The following ARFGAP3 variants were observed in gnomAD, a reference collection of about 807,000 sequenced individuals.
ARFGAP3 encodes ADP-ribosylation factor GTPase-activating protein 3.
A neutral mutation model predicts 75.0 loss-of-function variants in ARFGAP3; 72 were observed. The observed-to-expected ratio is 0.96, with a 90% CI of 0.79 to 1.17. ARFGAP3 has a LOEUF of 1.17. ARFGAP3 is among the 50% of genes most tolerant of loss of function. The pLI is 0.00. For synonymous variants in ARFGAP3, 221 were observed against 217.9 expected, an observed-to-expected ratio of 1.01 and a Z score of -0.13; for missense variants, 620 against 626.6, an observed-to-expected ratio of 0.99 and a Z score of 0.11.
intron 11 of ARFGAP3, among the ~76,000 whole-genome samples, chr22:42,814,646 G>A (rs374142725): frequency 5.3e-5 from 8 of 152,248 alleles, no homozygotes; most frequent in African/African-American, 1.7e-4. Context: ...GTGACCTGGA[G>A]CCAGTGAGGG....
intron 9 of ARFGAP3, among the ~76,000 whole-genome samples, chr22:42,819,552 A>G (rs1191791064): frequency 6.6e-6 from 1 of 152,184 alleles, no homozygotes. Context: ...GTACTGGCTC[A>G]AGGGAGGACT....
At chr22:42,822,233 C>G in intron 9 of ARFGAP3, 37 bp downstream of exon 9, 1 of 1,469,566 alleles carries the variant, frequency 6.8e-7, no homozygotes. Context: ...TAGTTTTATT[C>G]CCTGAAAATG....
At chr22:42,853,459 T>C (rs941959689) in intron 1 of ARFGAP3, 1 of 220,756 alleles carries the variant, frequency 4.5e-6, no homozygotes, top group East Asian at 1.1e-4. Flanking sequence ...CTGGCCATCC[T>C]TGGGCTCTAG....
At chr22:42,806,950 C>T in intron 14 of ARFGAP3, 123 bp downstream of exon 14, 1 of 982,072 alleles carries the variant, frequency 1.0e-6, no homozygotes, top group Non-Finnish European at 1.4e-6. Flanking sequence ...TGACTTATAG[C>T]AGAGATCAGA....
At chr22:42,817,942 T>C in intron 9 of ARFGAP3, 85 bp from the exon 10 acceptor site, 2 of 1,353,280 alleles carry the variant, frequency 1.5e-6, no homozygotes. Context: ...AACATGTAAT[T>C]TATACTTTTA....
At chr22:42,815,980 G>A (rs891618290) in intron 11 of ARFGAP3, among the ~76,000 whole-genome samples, 9 of 152,136 alleles carry the variant, frequency 5.9e-5, no homozygotes, top group Admixed American at 2.6e-4. Context: ...CGGGTATGGT[G>A]GCACACGCCT....
At chr22:42,797,753 T>G in intron 15 of ARFGAP3, 148 bp from the exon 16 acceptor site, 1 of 1,554,532 alleles carries the variant, frequency 6.4e-7, no homozygotes, top group East Asian at 2.3e-5. Context: ...TGTGCTCATC[T>G]GGAAGCAGCC....
At chr22:42,839,755 CTGTTT>C (rs1326487129) in intron 3 of ARFGAP3, among the ~76,000 whole-genome samples, 1 of 152,052 alleles carries the variant, frequency 6.6e-6, no homozygotes, top group Non-Finnish European at 1.5e-5. Flanking sequence ...CCCTCACTTC[CTGTTT>C]TAATTTTCTT....
chr22:42,844,604 A>AAAC (rs1926930659), intron 2 of ARFGAP3, among the ~76,000 whole-genome samples: 2 of 146,632 alleles, frequency 1.4e-5, no homozygotes, highest in African/African-American at 5.1e-5. Context: ...AAAAAAAAAA[A>AAAC]AAATAAAAAA....
chr22:42,842,250 C>A (rs1018012614), intron 2 of ARFGAP3, among the ~76,000 whole-genome samples: 1 of 151,468 alleles, frequency 6.6e-6, no homozygotes, highest in Admixed American at 6.6e-5. Context: ...GGTGATCCAC[C>A]CACCTTGGCC....
rs776157385 is a variant in ARFGAP3 at position 42,857,234 on chromosome 22, C to A, written c.-52G>T. 2.7e-6 allele frequency: 4 copies of A among 1,489,254 alleles called. No homozygotes were observed. Among genetic ancestry groups the A allele is most frequent in the Admixed American group, 2.2e-5 (1 of 44,614 alleles). The allele number at this position is 1,489,254 out of a possible 1,614,324, so 92.3% of individuals were successfully genotyped here. A position where few individuals can be genotyped will look rare whatever the true frequency, so the allele number is the denominator to read the frequency against. ...GGCCCAGCCAACCGGTAAGAGTCGA[C>A]GAAAAGCGGCTACCGCCTCAGCAGG... On this transcript the variant is annotated 5_prime_UTR_variant, in exon 1 of 16. Transcript: ENST00000263245.
chr22:42,847,433 A>T, intron 2 of ARFGAP3, 81 bp downstream of exon 2: 1 of 1,309,764 alleles, frequency 7.6e-7, no homozygotes, highest in Non-Finnish European at 1.1e-6. Flanking sequence ...CACTGTCTCA[A>T]AAAAAGAAAA....
chr22:42,837,472 CTTG>C (rs1454817613), intron 3 of ARFGAP3, among the ~76,000 whole-genome samples: 2 of 151,484 alleles, frequency 1.3e-5, no homozygotes, highest in Admixed American at 6.6e-5. Flanking sequence ...ATGTAAAAAA[CTTG>C]TTGTGCGTGG....
chr22:42,847,320 T>A lies in ARFGAP3; in HGVS notation c.188+194A>T. The A allele has an allele frequency of 7.6e-6, 4 of 524,342 alleles. No individual in the cohort carries two copies. The South Asian group carries it at 8.7e-5, about 11-fold the overall frequency. The allele number at this position is 524,342 out of a possible 1,614,324, so 32.5% of individuals were successfully genotyped here. The stretch of plus-strand genomic sequence containing the variant: ...TAACTAGGACTAGAGTTATACATCA[T>A]CACACCACAACATTTTTTATTTTTT... On this transcript the variant is annotated intron_variant, in intron 2 of 15. Transcript: ENST00000263245.
At chr22:42,856,172 C>G (rs937276609) in intron 1 of ARFGAP3, among the ~76,000 whole-genome samples, 6 of 152,236 alleles carry the variant, frequency 3.9e-5, no homozygotes, top group Non-Finnish European at 8.8e-5. Context: ...TGTTTCCTTC[C>G]TCACCTAGGC....
chr22:42,827,033 AAT>A (rs780291808), intron 6 of ARFGAP3, 34 bp from the exon 7 acceptor site: 1 of 1,611,220 alleles, frequency 6.2e-7, no homozygotes, highest in Admixed American at 1.7e-5. Context: ...TAGCGCAGAA[AAT>A]ATACTCAGCT....
intron 5 of ARFGAP3, among the ~76,000 whole-genome samples, chr22:42,832,807 G>A (rs1265598438): frequency 2.0e-5 from 3 of 151,898 alleles, no homozygotes; most frequent in African/African-American, 7.3e-5. Flanking sequence ...CCAACATGGC[G>A]AAACCCCGTC....
At chr22:42,799,812 A>C (rs1164025339) in intron 14 of ARFGAP3, among the ~76,000 whole-genome samples, 1 of 152,164 alleles carries the variant, frequency 6.6e-6, no homozygotes, top group Non-Finnish European at 1.5e-5. Context: ...TCCCCCAAGG[A>C]GGTGAGCCAA....
intron 12 of ARFGAP3, 40 bp downstream of exon 12, chr22:42,810,764 CAGAAATGCA>C: frequency 1.3e-6 from 2 of 1,539,074 alleles, no homozygotes; most frequent in East Asian, 2.3e-5. Context: ...AATTTTTTCC[CAGAAATGCA>C]TGGATTCACT....
Sources: gnomAD v4.1 joint callset for allele counts (sites outside exome capture counted in the v4.1 genomes callset) on GRCh38, gnomAD v4.1.1 for gene constraint, MANE v1.5 for transcripts, NCBI Gene and HGNC (gene_info 2026-07-23, HGNC 2026-07-21) for gene names.